Variants in DUSP14 observed in about 807,000 individuals in gnomAD.
The protein encoded by DUSP14 is dual specificity phosphatase 14.
A neutral mutation model predicts 13.2 loss-of-function variants in DUSP14; 5 were observed. The ratio of observed to expected loss-of-function variants is 0.38; its 90% CI spans 0.20 to 0.80. DUSP14 has a LOEUF of 0.80. Among genes scored for constraint, DUSP14 ranks in the 30% least tolerant of loss-of-function variants. The pLI is 0.44. For missense variants in DUSP14, 185 were observed against 264.0 expected (o/e 0.70, Z 2.07); for synonymous variants, 91 against 103.4 (o/e 0.88, Z 0.73).
chr17:37,505,035 G>C (rs1490937781), intron 1 of DUSP14, among the ~76,000 whole-genome samples: 1 of 152,144 alleles, frequency 6.6e-6, no homozygotes, highest in African/African-American at 2.4e-5. Context: ...GGGATTCCAG[G>C]TGCACACCAC....
chr17:37,493,881 C>T (rs996040375), intron 1 of DUSP14, among the ~76,000 whole-genome samples: 2 of 152,078 alleles, frequency 1.3e-5, no homozygotes, highest in Admixed American at 6.6e-5. Flanking sequence ...TTAAAGTACC[C>T]TCTGAGGATG....
At chr17:37,499,246 G>A (rs781740151) in intron 1 of DUSP14, among the ~76,000 whole-genome samples, 4 of 152,188 alleles carry the variant, frequency 2.6e-5, no homozygotes, top group Non-Finnish European at 5.9e-5. Flanking sequence ...CCCTTGACAC[G>A]TGGGGATTAT....
Position 37,512,758 on chromosome 17 carries a change from G to T in DUSP14, c.486G>T (p.Glu162Asp). Residue 162 changes from glutamate to aspartate, a missense_variant, in exon 3 of 3, where the codon GAG becomes GAT. Transcript: ENST00000617516. The surrounding 1 kb of genome is among the most constrained non-coding windows in gnomAD (Gnocchi z 4.8). ...TCTGGAGGCAACTGATAGACTACGA[G>T]CGCCAGCTCTTTGGGAAGTCGACAG... ...VGFWRQLIDYERQLFGKSTVK... is the reference protein window; with the variant it reads ...VGFWRQLIDYDRQLFGKSTVK... 6.2e-7 allele frequency: 1 copy of T among 1,613,898 alleles called. No individual in the cohort carries two copies. Among genetic ancestry groups the T allele is most frequent in the Non-Finnish European group, 8.5e-7 (1 of 1,180,046 alleles).
chr17:37,504,741 C>A (rs1203866227), intron 1 of DUSP14, among the ~76,000 whole-genome samples: 1 of 152,086 alleles, frequency 6.6e-6, no homozygotes. Flanking sequence ...CCATGCCCGG[C>A]TAATTTTTAA....
intron 1 of DUSP14, among the ~76,000 whole-genome samples, chr17:37,499,878 A>G (rs2054094086): frequency 6.6e-6 from 1 of 152,234 alleles, no homozygotes; most frequent in African/African-American, 2.4e-5. Flanking sequence ...GGGAACTATT[A>G]CATTGTCATA....
chr17:37,491,226 CAT>C (rs1296754838), intron 1 of DUSP14, among the ~76,000 whole-genome samples: 1 of 152,156 alleles, frequency 6.6e-6, no homozygotes, highest in African/African-American at 2.4e-5. Flanking sequence ...GTTGTGGACT[CAT>C]AAAGGCCCCC....
chr17:37,513,087 AGT>A lies in DUSP14; in HGVS notation c.*221_*222del. The A allele has an allele frequency of 1.8e-6, 1 of 551,146 alleles. No homozygotes were observed. The highest frequency in any genetic ancestry group is 3.3e-6 in the Non-Finnish European group (1 of 305,394). The allele number at this position is 551,146 out of a possible 1,614,324, so 34.1% of individuals were successfully genotyped here. A position where few individuals can be genotyped will look rare whatever the true frequency, so the allele number is the denominator to read the frequency against. ...ATTTTTAAAATTAACATTTTGGAAT[AGT>A]GTTTATGGAAATCTTTAGCTTTTAA... On this transcript the variant is annotated 3_prime_UTR_variant, in exon 3 of 3. Transcript: ENST00000617516.
chr17:37,511,937 A>AGGTTTTTTTTTTTTTTTTTT (rs1329764853), intron 2 of DUSP14, among the ~76,000 whole-genome samples: 1 of 16,436 alleles, frequency 6.1e-5, no homozygotes, highest in Non-Finnish European at 1.2e-4. Flanking sequence ...CCCCCACCCC[A>AGGTTTTTTTTTTTTTTTTTT]CTTTTTTTTT....
chr17:37,509,123 A>ATATATATATATATG (rs2054158561), intron 1 of DUSP14, among the ~76,000 whole-genome samples: 1 of 28,638 alleles, frequency 3.5e-5, no homozygotes, highest in African/African-American at 2.0e-4. Flanking sequence ...ATATATATAT[A>ATATATATATATATG]TATATACACA....
At chr17:37,506,334 C>T (rs1190356672) in intron 1 of DUSP14, among the ~76,000 whole-genome samples, 4 of 144,902 alleles carry the variant, frequency 2.8e-5, no homozygotes, top group African/African-American at 1.0e-4. Context: ...TGGTTTAGGA[C>T]AGCTCTTCCT....
At chr17:37,495,504 G>A (rs1332675282) in intron 1 of DUSP14, among the ~76,000 whole-genome samples, 1 of 152,124 alleles carries the variant, frequency 6.6e-6, no homozygotes, top group Admixed American at 6.5e-5. Context: ...CTATGTCTTT[G>A]AGTGTGTGGG....
At chr17:37,491,537 A>T (rs559508167) in intron 1 of DUSP14, 1 of 152,332 alleles carries the variant, frequency 6.6e-6, no homozygotes, top group Admixed American at 6.5e-5. Flanking sequence ...AACTGGAGAC[A>T]GTTTCCTTCA....
Position 37,513,433 on chromosome 17 carries a change from C to G in DUSP14, c.*564C>G, listed in dbSNP as rs1300572266. 6.0e-6 allele frequency: 1 copy of G among 167,388 alleles called. No homozygotes were observed. Among genetic ancestry groups the G allele is most frequent in the Non-Finnish European group, 1.5e-5 (1 of 68,346 alleles). 10.4% of individuals were successfully genotyped at this position (167,388 alleles called of 1,614,324 possible). On this transcript the variant is annotated 3_prime_UTR_variant, in exon 3 of 3. Coordinates refer to ENST00000617516, the MANE Select transcript of DUSP14 (RefSeq NM_007026.4). ...TATAATGAAATCTGCTGCAAAATCT[C>G]TCTTGGAATCCATGTGCCCAGGATT...
chr17:37,504,020 C>T (rs1029124892), intron 1 of DUSP14, among the ~76,000 whole-genome samples: 6 of 152,204 alleles, frequency 3.9e-5, no homozygotes, highest in South Asian at 2.1e-4. Context: ...ATGGTGAAAC[C>T]CTGTCTCTAC....
chr17:37,498,421 G>A (rs963674262), intron 1 of DUSP14, among the ~76,000 whole-genome samples: 1 of 140,114 alleles, frequency 7.1e-6, no homozygotes, highest in African/African-American at 2.6e-5. Context: ...CCGCCTCCCC[G>A]GTTCACGCCA....
intron 1 of DUSP14, among the ~76,000 whole-genome samples, chr17:37,494,095 G>A (rs531163423): frequency 1.7e-4 from 26 of 151,116 alleles, no homozygotes; most frequent in African/African-American, 6.3e-4. Flanking sequence ...CCAGGTTCAT[G>A]CCATTCTCCT....
At position 37,509,115 on chromosome 17, in the gene DUSP14, A is replaced by ATGTGTGTG. The variant is rs1555697266; in HGVS notation, c.-180-1561_-180-1560insGTGTGTGT. On this transcript the variant is annotated intron_variant, in intron 1 of 2. Coordinates refer to ENST00000617516, the MANE Select transcript of DUSP14 (RefSeq NM_007026.4). ...AAAAAAAAAAAACCCATATATATAT[A>ATGTGTGTG]TATATATATATATACACACACACAC... Among the ~76,000 whole-genome samples the ATGTGTGTG allele has an allele frequency of 8.1e-5, 3 of 36,850 alleles. 1 individual carries two copies. The highest frequency in any genetic ancestry group is 9.6e-4 in the East Asian group (1 of 1,044). The allele number at this position is 36,850 out of a possible 152,430, so 24.2% of individuals were successfully genotyped here. A position where few individuals can be genotyped will look rare whatever the true frequency, so the allele number is the denominator to read the frequency against.
intron 1 of DUSP14, among the ~76,000 whole-genome samples, chr17:37,508,335 G>C (rs1032948168): frequency 1.3e-5 from 2 of 152,214 alleles, no homozygotes; most frequent in Non-Finnish European, 2.9e-5. Context: ...CTGGAGGGAC[G>C]GAATCAGAAG....
Position 37,512,504 on chromosome 17 carries a change from C to T in DUSP14, c.232C>T (p.Leu78=), listed in dbSNP as rs370808314. ...WPQFEYVKVP[L]ADMPHAPIGL... ...CCAATTTGAGTATGTTAAAGTGCCT[C>T]TGGCTGACATGCCGCATGCCCCCAT... The change falls in exon 3 of 3, where the codon CTG becomes TTG. Residue 78 remains leucine (L), a synonymous_variant. Transcript: ENST00000617516. The surrounding 1 kb of genome is among the most constrained non-coding windows in gnomAD (Gnocchi z 4.8). The T allele has an allele frequency of 3.3e-5, 54 of 1,614,092 alleles. No homozygotes were observed. In the African/African-American group the frequency reaches 7.1e-4, roughly 21 times the overall value.
Sources: allele counts gnomAD v4.1 joint callset (sites outside exome capture counted in the v4.1 genomes callset), GRCh38; gene constraint gnomAD v4.1.1; non-coding constraint Gnocchi (gnomAD v3.1); transcripts MANE v1.5; gene names NCBI Gene and HGNC (gene_info 2026-07-23, HGNC 2026-07-21).